The following NTRK3 variants were observed in gnomAD, a reference collection of about 807,000 sequenced individuals.
NTRK3 encodes neurotrophic receptor tyrosine kinase 3, also known as NT-3 growth factor receptor.
A neutral mutation model predicts 91.7 loss-of-function variants in NTRK3; 24 were observed. The observed-to-expected ratio is 0.26, with a 90% confidence interval of 0.19 to 0.37. The LOEUF (loss-of-function observed/expected upper bound fraction) is 0.37, where lower values mean the gene tolerates loss of function less well. Among genes scored for constraint, NTRK3 ranks in the 10% least tolerant of loss-of-function variants. The pLI, the probability that NTRK3 is intolerant of heterozygous loss-of-function variation, is 1.00. For synonymous variants in NTRK3, 483 were observed against 404.0 expected (o/e 1.20, Z -2.34); for missense variants, 880 against 1,068.9 (o/e 0.82, Z 2.46).
chr15:88,179,629 A>G (rs2046290974), intron 5 of NTRK3, among the ~76,000 whole-genome samples: 1 of 152,200 alleles, frequency 6.6e-6, no homozygotes, highest in African/African-American at 2.4e-5. Flanking sequence ...ATGCCAGAGA[A>G]AACACACCCC....
At chr15:87,921,275 T>G (rs1029464092) in intron 17 of NTRK3, among the ~76,000 whole-genome samples, 1 of 151,968 alleles carries the variant, frequency 6.6e-6, no homozygotes, top group African/African-American at 2.4e-5. Flanking sequence ...ATAAACAGAG[T>G]CTGGTCACTG....
intron 14 of NTRK3, among the ~76,000 whole-genome samples, chr15:87,996,180 G>A (rs546162130): frequency 6.6e-6 from 1 of 152,238 alleles, no homozygotes; most frequent in South Asian, 2.1e-4. Context: ...GGAGGCGGAG[G>A]TTGCAGTGAG....
intron 3 of NTRK3, among the ~76,000 whole-genome samples, chr15:88,214,219 G>A (rs548200354): frequency 1.3e-5 from 2 of 152,278 alleles, no homozygotes; most frequent in South Asian, 4.1e-4. Context: ...TCACAGTCCT[G>A]GAGGCTGGAA....
rs541489199 is a variant in NTRK3 at position 88,255,816 on chromosome 15, C to T, written c.248+90G>A. ...GGCGGCGGGCAGCGGCGAGCTGGGG[C>T]GGGCGGAGGGCCGGCTCCCGGCCGC... On this transcript the variant is annotated intron_variant, in intron 3 of 18. Transcript: ENST00000394480. This position sits in a 1 kb window ranked among gnomAD's most constrained non-coding sequence, Gnocchi z 4.3. 9.5e-5 allele frequency: 110 copies of T among 1,159,608 alleles called. No homozygotes were observed. The highest frequency in any genetic ancestry group is 5.8e-4 in the Admixed American group (17 of 29,320). 71.8% of individuals were successfully genotyped at this position (1,159,608 alleles called of 1,614,324 possible). A position where few individuals can be genotyped will look rare whatever the true frequency, so the allele number is the denominator to read the frequency against.
At chr15:87,917,635 C>T (rs1264118665) in intron 17 of NTRK3, among the ~76,000 whole-genome samples, 4 of 152,126 alleles carry the variant, frequency 2.6e-5, no homozygotes, top group East Asian at 1.9e-4. Context: ...TGGTGAGAGG[C>T]GTTTGAATCA....
At chr15:88,217,301 C>T (rs777264214) in intron 3 of NTRK3, among the ~76,000 whole-genome samples, 2 of 152,164 alleles carry the variant, frequency 1.3e-5, no homozygotes, top group African/African-American at 2.4e-5. Flanking sequence ...AACGGTATAC[C>T]CGTGTTCTCA....
intron 13 of NTRK3, among the ~76,000 whole-genome samples, chr15:88,098,260 G>A (rs920293762): frequency 3.9e-4 from 60 of 152,282 alleles, no homozygotes; most frequent in African/African-American, 1.3e-3. Context: ...AAAAACGAGC[G>A]AGTGGCCAAG....
chr15:88,090,107 G>A (rs1213310239), intron 13 of NTRK3, among the ~76,000 whole-genome samples: 1 of 151,948 alleles, frequency 6.6e-6, no homozygotes. Context: ...TGCTCGGCTT[G>A]CACTCATTCA....
chr15:88,036,641 T>C (rs911969423), intron 13 of NTRK3, among the ~76,000 whole-genome samples: 5 of 152,020 alleles, frequency 3.3e-5, no homozygotes, highest in Middle Eastern at 3.2e-3. Context: ...GAGCGAGAGA[T>C]TACAGAATAC....
chr15:87,970,064 A>AG (rs1450606661), intron 14 of NTRK3, among the ~76,000 whole-genome samples: 1 of 152,214 alleles, frequency 6.6e-6, no homozygotes, highest in Non-Finnish European at 1.5e-5. Flanking sequence ...CTGTCCAGGC[A>AG]GGGTCTTTTA....
chr15:87,900,105 T>C (rs2066363088), intron 17 of NTRK3, among the ~76,000 whole-genome samples: 1 of 152,168 alleles, frequency 6.6e-6, no homozygotes, highest in Non-Finnish European at 1.5e-5. Context: ...TATCTTCATT[T>C]AAAAGTGGGG....
At chr15:88,015,529 C>G (rs906656135) in intron 14 of NTRK3, among the ~76,000 whole-genome samples, 3 of 140,534 alleles carry the variant, frequency 2.1e-5, no homozygotes, top group African/African-American at 9.9e-5. Flanking sequence ...AGCCTTTACC[C>G]AAGCCTCTGC....
intron 13 of NTRK3, among the ~76,000 whole-genome samples, chr15:88,042,629 A>G (rs2079755119): frequency 6.6e-6 from 1 of 152,210 alleles, no homozygotes; most frequent in Non-Finnish European, 1.5e-5. Flanking sequence ...CGCAGCATTC[A>G]TAGCTTGGAG....
intron 3 of NTRK3, among the ~76,000 whole-genome samples, chr15:88,188,144 A>T (rs113219768): frequency 9.9e-4 from 151 of 152,280 alleles, no homozygotes; most frequent in African/African-American, 3.5e-3. Flanking sequence ...TGCAGAGTGC[A>T]TGGTGATGGC....
chr15:87,959,118 T>G (rs1044707928), intron 14 of NTRK3, among the ~76,000 whole-genome samples: 1 of 152,122 alleles, frequency 6.6e-6, no homozygotes, highest in Non-Finnish European at 1.5e-5. Context: ...ACGCTTGCTC[T>G]CCAACCACTC....
chr15:87,944,310 G>T (rs565132637), intron 14 of NTRK3, among the ~76,000 whole-genome samples: 1 of 152,286 alleles, frequency 6.6e-6, no homozygotes, highest in East Asian at 1.9e-4. Context: ...CAAGACTGGA[G>T]ACTCCAGAAT....
chr15:87,980,979 T>C (rs967174652), intron 14 of NTRK3, among the ~76,000 whole-genome samples: 11 of 152,166 alleles, frequency 7.2e-5, no homozygotes, highest in Non-Finnish European at 1.3e-4. Context: ...CCACTGTCTC[T>C]TTCCAGGCCA....
At chr15:87,987,554 CTCTTT>C (rs1258649643) in intron 14 of NTRK3, among the ~76,000 whole-genome samples, 1 of 151,386 alleles carries the variant, frequency 6.6e-6, no homozygotes, top group Non-Finnish European at 1.5e-5. Context: ...TGTGTAGTTA[CTCTTT>C]TCTTGATTTG....
chr15:88,130,222 T>C (rs2053671603), intron 10 of NTRK3, among the ~76,000 whole-genome samples: 1 of 152,158 alleles, frequency 6.6e-6, no homozygotes, highest in Admixed American at 6.5e-5. Flanking sequence ...TAAATATCCA[T>C]GAGTCCATAT....
Sources: gnomAD v4.1 joint callset for allele counts (sites outside exome capture counted in the v4.1 genomes callset) on GRCh38, gnomAD v4.1.1 for gene constraint, Gnocchi (gnomAD v3.1) non-coding constraint, MANE v1.5 for transcripts, NCBI Gene and HGNC (gene_info 2026-07-23, HGNC 2026-07-21) for gene names.